The following GTF2F1 variants were observed in gnomAD, a reference collection of about 807,000 sequenced individuals.
GTF2F1 encodes the protein general transcription factor IIF 74 kDa subunit.
Under a neutral mutation model 63.5 loss-of-function variants are expected in GTF2F1, and 39 were observed. The ratio of observed to expected loss-of-function variants is 0.61; its 90% CI spans 0.48 to 0.80. The LOEUF is 0.80. Among genes scored for constraint, GTF2F1 ranks in the 30% least tolerant of loss-of-function variants. The pLI is 0.00. For missense variants in GTF2F1, 657 were observed against 718.3 expected (o/e 0.91, Z 0.97); for synonymous variants, 287 against 285.3 (o/e 1.01, Z -0.06).
chr19:6,381,198 G>T lies in GTF2F1; in HGVS notation c.1019-3C>A, dbSNP rs369743152. On this transcript the variant is annotated splice_polypyrimidine_tract_variant and splice_region_variant and intron_variant, in intron 9 of 12. Transcript: ENST00000394456. The surrounding 1 kb of genome is among the most constrained non-coding windows in gnomAD (Gnocchi z 4.1). ...GCTGTCCGACTCCTCGCTGCTGTCT[G>T]CGGGGCACAGGAAAGGGGTCAGGGC... 9 of 1,605,642 alleles carry T rather than the reference G, an allele frequency of 5.6e-6. No homozygotes were observed. The African/African-American group carries it at 1.2e-4, about 21-fold the overall frequency.
rs757731497 is a variant in GTF2F1 at position 6,381,458 on chromosome 19, T to TGTC, written c.916_918dup (p.Asp306dup). 1.2e-6 allele frequency: 2 copies of TGTC among 1,608,340 alleles called. No individual in the cohort carries two copies. Among genetic ancestry groups the TGTC allele is most frequent in the African/African-American group, 2.7e-5 (2 of 74,930 alleles). On this transcript the variant is annotated inframe_insertion, in exon 9 of 13. Coordinates refer to ENST00000394456, the MANE Select transcript of GTF2F1 (RefSeq NM_002096.3). This position sits in a 1 kb window ranked among gnomAD's most constrained non-coding sequence, Gnocchi z 4.1. Reference sequence around the variant, plus strand: ...TTCTCCTCCTCACTCTCCTCACTACTGTCGCTCTGCTCATCGACACCTGGG... The same window carrying TGTC: ...TTCTCCTCCTCACTCTCCTCACTACTGTCGTCGCTCTGCTCATCGACACCTGGG...
At position 6,383,237 on chromosome 19, in the gene GTF2F1, T is replaced by TG; in HGVS notation, c.682+73dup. ...CTCATTCTAGGGCCACTGTGAGCGATGGTAGACTTTGCCTTCACTGGCACT... is the reference window on the plus strand; with the variant it reads ...CTCATTCTAGGGCCACTGTGAGCGATGGGTAGACTTTGCCTTCACTGGCACT... On this transcript the variant is annotated intron_variant, in intron 6 of 12. Transcript: ENST00000394456. The surrounding 1 kb of genome is among the most constrained non-coding windows in gnomAD (Gnocchi z 4.5). The TG allele has an allele frequency of 6.8e-7, 1 of 1,476,364 alleles. No individual in the cohort carries two copies. The highest frequency in any genetic ancestry group is 9.4e-7 in the Non-Finnish European group (1 of 1,068,754). 91.5% of individuals were successfully genotyped at this position (1,476,364 alleles called of 1,614,324 possible).
intron 5 of GTF2F1, among the ~76,000 whole-genome samples, chr19:6,385,326 A>G (rs1351383298): frequency 7.6e-6 from 1 of 132,154 alleles, no homozygotes; most frequent in Non-Finnish European, 1.6e-5. Context: ...CAGGAGGTCG[A>G]GGTTGCAATG....
intron 2 of GTF2F1, 65 bp from the exon 3 acceptor site, chr19:6,392,039 C>A: frequency 2.4e-6 from 2 of 818,760 alleles, no homozygotes; most frequent in South Asian, 3.0e-5. Context: ...TTTAATCAGT[C>A]AATGCTATTG....
chr19:6,392,475 C>T lies in GTF2F1; in HGVS notation c.59+382G>A, dbSNP rs1439134793. ...ATCAAGAATTCACCCAGCAGAGTCACAGTTTAGGGGTTGAGGGGAGGCACT... is the reference window on the plus strand; with the variant it reads ...ATCAAGAATTCACCCAGCAGAGTCATAGTTTAGGGGTTGAGGGGAGGCACT... On this transcript the variant is annotated intron_variant, in intron 2 of 12. Transcript: ENST00000394456. 5.8e-6 allele frequency: 3 copies of T among 520,782 alleles called. No homozygotes were observed. In the Admixed American group the frequency reaches 6.8e-5, roughly 12 times the overall value. The allele number at this position is 520,782 out of a possible 1,614,324, so 32.3% of individuals were successfully genotyped here. A position where few individuals can be genotyped will look rare whatever the true frequency, so the allele number is the denominator to read the frequency against.
chr19:6,392,120 CAATTCAATTGAACCATT>C, intron 2 of GTF2F1, 146 bp from the exon 3 acceptor site: 2 of 677,272 alleles, frequency 3.0e-6, no homozygotes, highest in Non-Finnish European at 5.5e-6. Flanking sequence ...TTCAATCACT[CAATTCAATTGAACCATT>C]AATTCAATTC....
chr19:6,381,673 G>A lies in GTF2F1; in HGVS notation c.836+24C>T, dbSNP rs368166573. ...CGCTCGCGAGGCTGCATGGGGTCTCGCAGGCGCCTCCCGTCGGCCTCACCT... is the reference window on the plus strand; with the variant it reads ...CGCTCGCGAGGCTGCATGGGGTCTCACAGGCGCCTCCCGTCGGCCTCACCT... On this transcript the variant is annotated intron_variant, in intron 7 of 12. Coordinates refer to ENST00000394456, the MANE Select transcript of GTF2F1 (RefSeq NM_002096.3). This position sits in a 1 kb window ranked among gnomAD's most constrained non-coding sequence, Gnocchi z 4.1. The A allele has an allele frequency of 1.1e-5, 17 of 1,614,050 alleles. No individual in the cohort carries two copies. In the African/African-American group the frequency reaches 1.1e-4, roughly 10 times the overall value.
chr19:6,381,356 CA>C lies in GTF2F1; in HGVS notation c.1018+2del. On this transcript the variant is annotated splice_donor_variant, in intron 9 of 12. Coordinates refer to ENST00000394456, the MANE Select transcript of GTF2F1 (RefSeq NM_002096.3). LOFTEE classifies it high-confidence loss of function. This position sits in a 1 kb window ranked among gnomAD's most constrained non-coding sequence, Gnocchi z 4.1. The stretch of plus-strand genomic sequence containing the variant: ...TCCAATATGGGGGCCACATGCGCCG[CA>C]CCTTTCCTGCGCTTCTTCTCCTGCG... The C allele has an allele frequency of 6.3e-7, 1 of 1,590,470 alleles. No homozygotes were observed. The highest frequency in any genetic ancestry group is 8.6e-7 in the Non-Finnish European group (1 of 1,168,460).
rs2091963352 is a variant in GTF2F1, at chr19:6,383,592, T to A, written c.498-97A>T. ...CCCCAGGGCACCACCCACATAGCCTTCAAGGTGATGTGGCCCCCGGGGACT... is the reference window on the plus strand; with the variant it reads ...CCCCAGGGCACCACCCACATAGCCTACAAGGTGATGTGGCCCCCGGGGACT... On this transcript the variant is annotated intron_variant, in intron 5 of 12. Coordinates refer to ENST00000394456, the MANE Select transcript of GTF2F1 (RefSeq NM_002096.3). This position sits in a 1 kb window ranked among gnomAD's most constrained non-coding sequence, Gnocchi z 4.5. 2 of 1,325,184 alleles carry A rather than the reference T, an allele frequency of 1.5e-6. No homozygotes were observed. Among genetic ancestry groups the A allele is most frequent in the South Asian group, 2.5e-5 (2 of 79,094 alleles). The allele number at this position is 1,325,184 out of a possible 1,614,324, so 82.1% of individuals were successfully genotyped here.
intron 6 of GTF2F1, among the ~76,000 whole-genome samples, chr19:6,382,201 C>T (rs1010392692): frequency 6.6e-6 from 1 of 152,150 alleles, no homozygotes; most frequent in Non-Finnish European, 1.5e-5. Flanking sequence ...CCGTAAAGGC[C>T]ACAGCCAGGC....
At chr19:6,385,189 G>A (rs781608515) in intron 5 of GTF2F1, among the ~76,000 whole-genome samples, 113 of 151,946 alleles carry the variant, frequency 7.4e-4, no homozygotes, top group African/African-American at 2.7e-3. Context: ...GAGGCCAGGA[G>A]TTGGAGACCA....
intron 6 of GTF2F1, among the ~76,000 whole-genome samples, chr19:6,382,550 GA>G (rs2091957228): frequency 1.3e-5 from 2 of 151,096 alleles, no homozygotes; most frequent in Non-Finnish European, 2.9e-5. Context: ...AGAATCACTT[GA>G]ACCTGGGAGG....
intron 4 of GTF2F1, 69 bp downstream of exon 4, chr19:6,389,375 G>C: frequency 7.0e-7 from 1 of 1,426,848 alleles, no homozygotes; most frequent in Non-Finnish European, 9.7e-7. Context: ...ACCCCACAAA[G>C]TATGTAAGTT....
chr19:6,387,045 C>A, intron 5 of GTF2F1: 1 of 279,894 alleles, frequency 3.6e-6, no homozygotes, highest in East Asian at 9.0e-5. Flanking sequence ...GCTAGAGAAA[C>A]CCTCCTCGGG....
At position 6,389,447 on chromosome 19, in the gene GTF2F1, C is replaced by T. The variant is rs1568331718; in HGVS notation, c.323G>A (p.Arg108Lys). 1 of 1,613,564 alleles carries T rather than the reference C, an allele frequency of 6.2e-7. No homozygotes were observed. The highest frequency in any genetic ancestry group is 8.5e-7 in the Non-Finnish European group (1 of 1,179,576). ...CCGCCACCGCCCCACCACTTACTTC[C>T]TGCCTGATTTGCCGTTGACCCGGAG... ...WLLRVNGKSG[R>K]KFKGIKKGGV... Residue 108 changes from arginine to lysine, a missense_variant, in exon 4 of 13, where the codon AGG becomes AAG. This residue lies in a region of GTF2F1 where 602 missense variants were observed against 625.6 expected (regional missense o/e 0.96). Coordinates refer to ENST00000394456, the MANE Select transcript of GTF2F1 (RefSeq NM_002096.3).
In GTF2F1 at chr19:6,391,953, G is replaced by T; in HGVS notation, c.81C>A (p.Asn27Lys). Residue 27 changes from asparagine (N) to lysine (K), a missense_variant, in exon 3 of 13, where the codon AAC (asparagine) becomes AAA (lysine). Around this residue, in one of 2 missense-constraint regions of GTF2F1, gnomAD observed 602 missense variants for 625.6 expected, o/e 0.96. Transcript: ENST00000394456. ...TGTCGGCTGCATTAAAAGCCATGATGTTATATTTTTTGGTTGTATTCCTGG... is the reference window on the plus strand; with the variant it reads ...TGTCGGCTGCATTAAAAGCCATGATTTTATATTTTTTGGTTGTATTCCTGG... The part of the protein sequence containing the change: ...RVPKNTTKKY[N>K]IMAFNAADKV... 2 of 1,577,906 alleles carry T rather than the reference G, an allele frequency of 1.3e-6. No individual in the cohort carries two copies. Among genetic ancestry groups the T allele is most frequent in the Non-Finnish European group, 1.7e-6 (2 of 1,159,132 alleles).
At position 6,383,929 on chromosome 19, in the gene GTF2F1, C is replaced by G. The variant is rs370478772; in HGVS notation, c.498-434G>C. 6.6e-6 allele frequency among the ~76,000 whole-genome samples: 1 copy of G among 151,454 alleles called. No homozygotes were observed. Among genetic ancestry groups the G allele is most frequent in the African/African-American group, 2.4e-5 (1 of 41,192 alleles). ...CTCCTGACTCAGCCTCCCAGATAGC[C>G]GGGGTTCCAGGCGCCTGCCACCACG... On this transcript the variant is annotated intron_variant, in intron 5 of 12. Transcript: ENST00000394456. This position sits in a 1 kb window ranked among gnomAD's most constrained non-coding sequence, Gnocchi z 4.5.
At chr19:6,392,510 G>C in intron 2 of GTF2F1, 1 of 542,040 alleles carries the variant, frequency 1.8e-6, no homozygotes, top group Non-Finnish European at 3.5e-6. Flanking sequence ...TCATGGCAGA[G>C]GAACAGGATG....
rs61290779 is a variant in GTF2F1 at position 6,389,266 on chromosome 19, CATAA to C, written c.326+174_326+177del. On this transcript the variant is annotated intron_variant, in intron 4 of 12. Transcript: ENST00000394456. Reference sequence around the variant, plus strand: ...AATACAAGTAAGTAAAATAAGATAACATAAATAAATAAATAAATAAATAAATAAT... The same window carrying C: ...AATACAAGTAAGTAAAATAAGATAACATAAATAAATAAATAAATAAATAAT... Among the ~76,000 whole-genome samples the C allele has an allele frequency of 4.4e-3, 672 of 151,102 alleles. 4 individuals carry two copies. Among genetic ancestry groups the C allele is most frequent in the African/African-American group, 0.015 (623 of 40,960 alleles).
Sources: allele counts gnomAD v4.1 joint callset (sites outside exome capture counted in the v4.1 genomes callset), GRCh38; gene constraint gnomAD v4.1.1; regional missense constraint gnomAD v4.1.1; non-coding constraint Gnocchi (gnomAD v3.1); transcripts MANE v1.5; gene names NCBI Gene and HGNC (gene_info 2026-07-23, HGNC 2026-07-21).